Variants in DAB2IP observed in about 807,000 individuals in gnomAD.
The protein encoded by DAB2IP is disabled homolog 2-interacting protein.
A neutral mutation model predicts 107.2 loss-of-function variants in DAB2IP; 28 were observed. The observed-to-expected ratio is 0.26, with a 90% CI of 0.19 to 0.36. The LOEUF (loss-of-function observed/expected upper bound fraction) is 0.36, where lower values mean the gene tolerates loss of function less well. Ranked by LOEUF, DAB2IP falls within the 10% of genes least tolerant of loss-of-function variation. The pLI is 1.00. For missense variants in DAB2IP, 1,400 were observed against 1,644.7 expected, an observed-to-expected ratio of 0.85 and a Z score of 2.57; for synonymous variants, 755 against 706.4, an observed-to-expected ratio of 1.07 and a Z score of -1.09.
At chr9:121,612,519 C>T (rs1438407675) in intron 1 of DAB2IP, among the ~76,000 whole-genome samples, 1 of 152,088 alleles carries the variant, frequency 6.6e-6, no homozygotes, top group African/African-American at 2.4e-5. Context: ...CCACAGTCCC[C>T]GTGAGCTTGT....
intron 2 of DAB2IP, among the ~76,000 whole-genome samples, chr9:121,688,944 G>A (rs1205182346): frequency 3.3e-5 from 5 of 152,188 alleles, no homozygotes; most frequent in African/African-American, 1.2e-4. Context: ...GCCTTGGGAG[G>A]ACAGGTCAAG....
At chr9:121,734,293 C>G (rs1296809679) in intron 3 of DAB2IP, among the ~76,000 whole-genome samples, 1 of 142,876 alleles carries the variant, frequency 7.0e-6, no homozygotes, top group African/African-American at 3.0e-5. Context: ...AGGAGAATGG[C>G]GTGAACCCAG....
intron 1 of DAB2IP, among the ~76,000 whole-genome samples, chr9:121,628,102 G>A (rs892582391): frequency 6.6e-6 from 1 of 152,238 alleles, no homozygotes; most frequent in Non-Finnish European, 1.5e-5. Flanking sequence ...AGAGGTTGTG[G>A]TTCTTGCCTT....
At chr9:121,726,175 T>C (rs887281793) in intron 3 of DAB2IP, among the ~76,000 whole-genome samples, 1 of 152,196 alleles carries the variant, frequency 6.6e-6, no homozygotes, top group African/African-American at 2.4e-5. Context: ...GGAGAGAGGC[T>C]GAAGGTTAAG....
exon 13 of DAB2IP, chr9:121,774,283 T>G: frequency 6.2e-7 from 1 of 1,611,954 alleles, no homozygotes; most frequent in Non-Finnish European, 8.5e-7. Context: ...TGAGCCCCAA[T>G]GCCCTGGACC....
chr9:121,667,671 T>C (rs1833503871), intron 1 of DAB2IP, among the ~76,000 whole-genome samples: 1 of 151,522 alleles, frequency 6.6e-6, no homozygotes, highest in African/African-American at 2.4e-5. Context: ...TTCATCTTTT[T>C]TTTTTTAATA....
chr9:121,682,770 A>G (rs1406839451), intron 2 of DAB2IP, among the ~76,000 whole-genome samples: 2 of 152,194 alleles, frequency 1.3e-5, no homozygotes, highest in Non-Finnish European at 2.9e-5. Flanking sequence ...TCCCCGACCC[A>G]GGTTTCAGGC....
chr9:121,739,770 G>A (rs1199499397), intron 3 of DAB2IP, among the ~76,000 whole-genome samples: 2 of 152,220 alleles, frequency 1.3e-5, no homozygotes, highest in African/African-American at 4.8e-5. Context: ...TAGGGCTGGG[G>A]ATGCACTTAG....
Position 121,599,769 on chromosome 9 carries a change from A to G in DAB2IP, c.40+32541A>G, listed in dbSNP as rs1428700016. Among the ~76,000 whole-genome samples, 1 of 151,486 alleles carries G rather than the reference A, an allele frequency of 6.6e-6. No individual in the cohort carries two copies. On this transcript the variant is annotated intron_variant, in intron 1 of 16. Transcript: ENST00000259371. This position sits in a 1 kb window ranked among gnomAD's most constrained non-coding sequence, Gnocchi z 6.9. The stretch of plus-strand genomic sequence containing the variant: ...AGCGGCCCGGCCCGCGCGTAGAGGT[A>G]AAAGCTGGGGGCCGCGGCTCAGGTG...
intron 3 of DAB2IP, chr9:121,751,063 AGCTGGCTGTGGACCTTTCCCTGCTGCCCG>A: frequency 5.2e-6 from 1 of 193,966 alleles, no homozygotes; most frequent in Non-Finnish European, 1.1e-5. Context: ...CTAGTGGGTT[AGCTGGCTGTGGACCTTTCCCTGCTGCCCG>A]GCTGCTGTGG....
intron 1 of DAB2IP, among the ~76,000 whole-genome samples, chr9:121,666,917 A>ACACACACACACACACACAC (rs1564143999): frequency 4.8e-5 from 5 of 104,754 alleles, no homozygotes; most frequent in East Asian, 2.5e-4. Context: ...CACACACACA[A>ACACACACACACACACACAC]CACTCTTAAA....
Position 121,604,671 on chromosome 9 carries a change from C to G in DAB2IP, c.40+37443C>G, listed in dbSNP as rs140634483. Among the ~76,000 whole-genome samples the G allele has an allele frequency of 3.9e-3, 596 of 152,316 alleles. 8 individuals carry two copies. Among genetic ancestry groups the G allele is most frequent in the African/African-American group, 0.014 (568 of 41,562 alleles). Reference sequence around the variant, plus strand: ...CACCTCCATTTGTTCTCATTGCCCCCCTAAGGGTGAGCCGTTCCTCCGGGC... The same window carrying G: ...CACCTCCATTTGTTCTCATTGCCCCGCTAAGGGTGAGCCGTTCCTCCGGGC... On this transcript the variant is annotated intron_variant, in intron 1 of 16. Coordinates refer to the DAB2IP transcript ENST00000259371.
chr9:121,763,469 C>G (rs1311026489), intron 6 of DAB2IP, 36 bp from the exon 7 acceptor site: 1 of 1,589,420 alleles, frequency 6.3e-7, no homozygotes, highest in Non-Finnish European at 8.6e-7. Context: ...GCCAGGCCAG[C>G]TCAGGTCCTG....
intron 1 of DAB2IP, among the ~76,000 whole-genome samples, chr9:121,594,068 G>A (rs1025743161): frequency 7.9e-5 from 12 of 151,978 alleles, no homozygotes; most frequent in African/African-American, 2.4e-4. Context: ...ACCAAGAAAG[G>A]AGCCATGCAT....
chr9:121,631,184 C>A (rs1040528583), intron 1 of DAB2IP, among the ~76,000 whole-genome samples: 1 of 152,196 alleles, frequency 6.6e-6, no homozygotes, highest in African/African-American at 2.4e-5. Flanking sequence ...CCTCAAGGAG[C>A]TCCTGGCCTG....
chr9:121,686,863 A>C (rs2900195), intron 2 of DAB2IP, among the ~76,000 whole-genome samples: 65,044 of 151,910 alleles, frequency 0.43, 14,764 homozygotes, highest in African/African-American at 0.57. Flanking sequence ...GACCCCTCCC[A>C]CTTCCATACC....
intron 2 of DAB2IP, among the ~76,000 whole-genome samples, chr9:121,695,525 T>G (rs979644094): frequency 1.3e-5 from 2 of 152,222 alleles, no homozygotes; most frequent in Non-Finnish European, 2.9e-5. Context: ...ACAGCTTGTC[T>G]GAATGAAGAT....
chr9:121,641,976 CTTT>C (rs1832331072), intron 1 of DAB2IP, among the ~76,000 whole-genome samples: 1 of 99,696 alleles, frequency 1.0e-5, no homozygotes, highest in Admixed American at 1.2e-4. Context: ...CTCTCTCTTT[CTTT>C]CTTTCTTTCT....
At chr9:121,591,557 C>T (rs1425704720) in intron 1 of DAB2IP, among the ~76,000 whole-genome samples, 1 of 152,134 alleles carries the variant, frequency 6.6e-6, no homozygotes, top group East Asian at 1.9e-4. Flanking sequence ...CAACAAGAAA[C>T]CATTGAAGCT....
Sources: gnomAD v4.1 joint callset for allele counts (sites outside exome capture counted in the v4.1 genomes callset) on GRCh38, gnomAD v4.1.1 for gene constraint, Gnocchi (gnomAD v3.1) non-coding constraint, MANE v1.5 for transcripts, NCBI Gene and HGNC (gene_info 2026-07-23, HGNC 2026-07-21) for gene names.